The following USH2A variants were observed in gnomAD, a reference collection of about 807,000 sequenced individuals.
USH2A encodes Usher syndrome 2A (autosomal recessive, mild).
A neutral mutation model predicts 538.9 loss-of-function variants in USH2A; 443 were observed. That is an observed-to-expected ratio of 0.82 (90% CI 0.76 to 0.89). The LOEUF (loss-of-function observed/expected upper bound fraction) is 0.89, where lower values mean the gene tolerates loss of function less well. Ranked by LOEUF, USH2A falls within the 40% of genes least tolerant of loss-of-function variation. The probability of loss-of-function intolerance (pLI) is 0.00; values close to 1 mark genes in which losing one functional copy is unlikely to be tolerated. For missense variants in USH2A, 6,633 were observed against 6,324.8 expected, an observed-to-expected ratio of 1.05 and a Z score of -1.65; for synonymous variants, 2,413 against 2,273.5, an observed-to-expected ratio of 1.06 and a Z score of -1.75.
chr1:216,297,286 C>T (rs2037126565), intron 9 of USH2A, among the ~76,000 whole-genome samples: 1 of 151,980 alleles, frequency 6.6e-6, no homozygotes, highest in Non-Finnish European at 1.5e-5. Context: ...CTACTTTGAT[C>T]GTTATTGGAT....
chr1:216,379,579 C>T (rs565128111), intron 3 of USH2A, among the ~76,000 whole-genome samples: 33 of 152,176 alleles, frequency 2.2e-4, no homozygotes, highest in African/African-American at 7.9e-4. Context: ...TTTAAACTAC[C>T]AGGAATCAGT....
At chr1:216,328,934 T>C (rs927563025) in intron 4 of USH2A, among the ~76,000 whole-genome samples, 1 of 152,174 alleles carries the variant, frequency 6.6e-6, no homozygotes, top group African/African-American at 2.4e-5. Flanking sequence ...TTCATTAGTG[T>C]ATTCTCAGCT....
rs747284720 is a variant in USH2A, at chr1:215,628,844, C to G, written c.15489G>C (p.Trp5163Cys). ...CACTGTTGTGGCCCATGATGGCTTC[C>G]CACAGTGAGTTGTCCATCAAGACTT... Reference protein sequence around the residue: ...DKKVLMDNSLWEAIMGHNSGL... With the variant: ...DKKVLMDNSLCEAIMGHNSGL... Residue 5163 changes from tryptophan to cysteine, a missense_variant, in exon 71 of 72, where the codon TGG becomes TGC. Physicochemically the swap from Trp to Cys is radical, Grantham distance 215. Transcript: ENST00000307340. 5 of 1,613,976 alleles carry G rather than the reference C, an allele frequency of 3.1e-6. No homozygotes were observed. Among genetic ancestry groups the G allele is most frequent in the Admixed American group, 1.7e-5 (1 of 59,996 alleles).
At chr1:215,764,680 A>T (rs12748877) in intron 56 of USH2A, among the ~76,000 whole-genome samples, 1 of 152,078 alleles carries the variant, frequency 6.6e-6, no homozygotes, top group Non-Finnish European at 1.5e-5. Context: ...GAGATCTTCA[A>T]ATTATATCTG....
chr1:215,694,715 C>T (rs560449192), intron 61 of USH2A, among the ~76,000 whole-genome samples: 5 of 152,316 alleles, frequency 3.3e-5, no homozygotes, highest in African/African-American at 1.2e-4. Context: ...GTATCTGTCT[C>T]TTCACTTGTT....
At chr1:216,332,589 T>G (rs2037890107) in intron 4 of USH2A, among the ~76,000 whole-genome samples, 1 of 152,108 alleles carries the variant, frequency 6.6e-6, no homozygotes, top group Admixed American at 6.6e-5. Context: ...AAGTGGGGAC[T>G]AAAGGAGAGT....
At chr1:215,843,566 C>T (rs1663752509) in intron 46 of USH2A, among the ~76,000 whole-genome samples, 1 of 152,116 alleles carries the variant, frequency 6.6e-6, no homozygotes, top group Non-Finnish European at 1.5e-5. Flanking sequence ...TAAATTTTGT[C>T]ATACAAGTGC....
intron 37 of USH2A, among the ~76,000 whole-genome samples, chr1:215,961,299 A>G (rs948942191): frequency 6.6e-6 from 1 of 151,784 alleles, no homozygotes; most frequent in Non-Finnish European, 1.5e-5. Flanking sequence ...TACTTAAATC[A>G]TGTATAATTA....
At position 216,422,812 on chromosome 1, in the gene USH2A, T is replaced by G. The variant is rs189513717; in HGVS notation, c.-204-272A>C. Among the ~76,000 whole-genome samples, 862 of 151,056 alleles carry G rather than the reference T, an allele frequency of 5.7e-3. 10 individuals carry two copies. The highest frequency in any genetic ancestry group is 0.021 in the Admixed American group (312 of 15,084). On this transcript the variant is annotated intron_variant, in intron 1 of 71. Transcript: ENST00000307340. ...ATATTTATATAATATATGTGTGTGT[T>G]TTATATATATATAATTATTAATAAT...
At chr1:216,421,828 G>T (rs752183429) in intron 2 of USH2A, 24 bp downstream of exon 2, 1 of 1,613,764 alleles carries the variant, frequency 6.2e-7, no homozygotes. Context: ...ACCTATGAAA[G>T]CTTATACCTA....
chr1:216,315,204 G>GTACATAATACATATGTAC (rs2037484540), intron 9 of USH2A, among the ~76,000 whole-genome samples: 1 of 152,104 alleles, frequency 6.6e-6, no homozygotes. Flanking sequence ...GTACCTATGA[G>GTACATAATACATATGTAC]CTTAATATAT....
chr1:215,948,024 A>T (rs199528474), intron 37 of USH2A, among the ~76,000 whole-genome samples: 2 of 152,258 alleles, frequency 1.3e-5, no homozygotes, highest in East Asian at 3.9e-4. Context: ...AAAGAGATTC[A>T]AGCAAAAGTA....
chr1:215,899,870 T>TAACCCTCC (rs1243974300), intron 40 of USH2A, among the ~76,000 whole-genome samples: 1 of 152,172 alleles, frequency 6.6e-6, no homozygotes, highest in Non-Finnish European at 1.5e-5. Context: ...TCTGTAGGCC[T>TAACCCTCC]AACCCTCCAA....
chr1:216,077,565 TTATA>T (rs1412958890), intron 27 of USH2A, among the ~76,000 whole-genome samples: 4 of 149,174 alleles, frequency 2.7e-5, no homozygotes, highest in African/African-American at 4.9e-5. Flanking sequence ...TTTATATGCA[TTATA>T]TATATAATTA....
At position 215,675,389 on chromosome 1, in the gene USH2A, G is replaced by C. The variant is rs754560357; in HGVS notation, c.12522C>G (p.Ser4174Arg). 1.9e-6 allele frequency: 3 copies of C among 1,614,022 alleles called. No homozygotes were observed. The highest frequency in any genetic ancestry group is 2.7e-5 in the African/African-American group (2 of 74,906). Reference sequence around the variant, plus strand: ...CATTTGGGTTAACAGGCTCAGACCAGCTCAGCTCAACACTGGTGGACTTCA... The same window carrying C: ...CATTTGGGTTAACAGGCTCAGACCACCTCAGCTCAACACTGGTGGACTTCA... ...HSVKSTSVEL[S>R]WSEPVNPNGK... Residue 4174 changes from serine to arginine, a missense_variant, in exon 63 of 72, where the codon AGC becomes AGG. Coordinates refer to ENST00000307340, the MANE Select transcript of USH2A (RefSeq NM_206933.4).
chr1:216,325,194 A>G lies in USH2A; in HGVS notation c.1143+111T>C, dbSNP rs145532072. ...CCAACATGTTGATTTCATATTTCTG[A>G]TCTCCAGAACTGTTAGGGAATATAT... On this transcript the variant is annotated intron_variant, in intron 6 of 71. Transcript: ENST00000307340. The G allele has an allele frequency of 2.7e-4, 329 of 1,208,780 alleles. 1 individual carries two copies. The African/African-American group carries it at 4.4e-3, about 16-fold the overall frequency. The allele number at this position is 1,208,780 out of a possible 1,614,324, so 74.9% of individuals were successfully genotyped here.
At chr1:216,144,920 T>C (rs1160508422) in intron 21 of USH2A, among the ~76,000 whole-genome samples, 2 of 152,198 alleles carry the variant, frequency 1.3e-5, no homozygotes, top group Non-Finnish European at 2.9e-5. Flanking sequence ...TGGTTGCATA[T>C]TCACACCAGG....
At chr1:216,121,360 G>T (rs551188201) in intron 21 of USH2A, among the ~76,000 whole-genome samples, 53 of 151,862 alleles carry the variant, frequency 3.5e-4, no homozygotes, top group African/African-American at 1.3e-3. Context: ...CCAAATTTTA[G>T]ACCTAAGGGA....
rs546285287 is a variant in USH2A at position 215,933,943 on chromosome 1, G to T, written c.7300+673C>A. 2.0e-5 allele frequency among the ~76,000 whole-genome samples: 3 copies of T among 151,952 alleles called. 1 individual carries two copies. In the South Asian group the frequency reaches 6.2e-4, roughly 32 times the overall value. On this transcript the variant is annotated intron_variant, in intron 38 of 71. Coordinates refer to ENST00000307340, the MANE Select transcript of USH2A (RefSeq NM_206933.4). ...GTTTTCCTCAATGCGATTATTTCCC[G>T]CAACGAGTTAAAACATGGTGAAGCT...
Sources: gnomAD v4.1 joint callset for allele counts (sites outside exome capture counted in the v4.1 genomes callset) on GRCh38, gnomAD v4.1.1 for gene constraint, MANE v1.5 for transcripts, NCBI Gene and HGNC (gene_info 2026-07-23, HGNC 2026-07-21) for gene names.